Variants in MAP3K10 observed in about 807,000 individuals in gnomAD.
MAP3K10 encodes the protein MKN28 derived nonreceptor_type serine/threonine kinase.
A neutral mutation model predicts 75.0 loss-of-function variants in MAP3K10; 22 were observed. The observed-to-expected ratio is 0.29, with a 90% CI of 0.21 to 0.42. The LOEUF is 0.42. Ranked by LOEUF, MAP3K10 falls within the 10% of genes least tolerant of loss-of-function variation. The probability of loss-of-function intolerance (pLI) is 1.00; values close to 1 mark genes in which losing one functional copy is unlikely to be tolerated. For missense variants in MAP3K10, 1,165 were observed against 1,379.8 expected (o/e 0.84, Z 2.47); for synonymous variants, 599 against 612.9 (o/e 0.98, Z 0.34).
chr19:40,204,989 C>T lies in MAP3K10; in HGVS notation c.1013-132C>T, dbSNP rs1239375041. The T allele has an allele frequency of 4.8e-6, 4 of 836,390 alleles. No individual in the cohort carries two copies. Among genetic ancestry groups the T allele is most frequent in the Non-Finnish European group, 7.9e-6 (4 of 507,844 alleles). The allele number at this position is 836,390 out of a possible 1,614,324, so 51.8% of individuals were successfully genotyped here. A position where few individuals can be genotyped will look rare whatever the true frequency, so the allele number is the denominator to read the frequency against. ...CCAGGAGCTTGGCTTTGAATCCCTT[C>T]CCCTCAGCTCCATAGCAGCTGTTTG... On this transcript the variant is annotated intron_variant, in intron 3 of 9. Transcript: ENST00000253055. The surrounding 1 kb of genome is among the most constrained non-coding windows in gnomAD (Gnocchi z 4.3).
At chr19:40,209,385 G>A (rs1973192885) in intron 6 of MAP3K10, among the ~76,000 whole-genome samples, 166 bp downstream of exon 6, 1 of 151,936 alleles carries the variant, frequency 6.6e-6, no homozygotes, top group South Asian at 2.1e-4. Context: ...AAATAAGTCA[G>A]TAAGCAGGAT....
rs372127071 is a variant in MAP3K10 at position 40,203,480 on chromosome 19, A to G, written c.864-1005A>G. On this transcript the variant is annotated intron_variant, in intron 2 of 9. Coordinates refer to ENST00000253055, the MANE Select transcript of MAP3K10 (RefSeq NM_002446.4). ...AGAGGAAGATAGCCTTGCAGGGACC[A>G]CAGCACAGTGACGCACGCTCTGGTA... Among the ~76,000 whole-genome samples, 7 of 152,244 alleles carry G rather than the reference A, an allele frequency of 4.6e-5. No individual in the cohort carries two copies. In the East Asian group the frequency reaches 9.6e-4, roughly 21 times the overall value.
intron 2 of MAP3K10, among the ~76,000 whole-genome samples, chr19:40,199,508 GGAA>G (rs1256352356): frequency 1.3e-5 from 2 of 152,154 alleles, no homozygotes; most frequent in African/African-American, 4.8e-5. Context: ...AAAGTTTGGA[GGAA>G]GAAGGAGGTG....
chr19:40,210,712 A>G (rs1340982170), intron 6 of MAP3K10, among the ~76,000 whole-genome samples: 1 of 152,132 alleles, frequency 6.6e-6, no homozygotes, highest in Non-Finnish European at 1.5e-5. Context: ...AAAAAAAAAA[A>G]AATTGTCCAA....
At position 40,192,087 on chromosome 19, in the gene MAP3K10, C is replaced by G; in HGVS notation, c.56C>G (p.Pro19Arg). The G allele has an allele frequency of 3.3e-6, 5 of 1,519,532 alleles. No individual in the cohort carries two copies. Among genetic ancestry groups the G allele is most frequent in the Non-Finnish European group, 4.4e-6 (5 of 1,137,544 alleles). The allele number at this position is 1,519,532 out of a possible 1,614,324, so 94.1% of individuals were successfully genotyped here. A position where few individuals can be genotyped will look rare whatever the true frequency, so the allele number is the denominator to read the frequency against. The change falls in exon 1 of 10, where the codon CCC (proline) becomes CGC (arginine). Residue 19 changes from proline to arginine, a missense_variant. Coordinates refer to ENST00000253055, the MANE Select transcript of MAP3K10 (RefSeq NM_002446.4). This position sits in a 1 kb window ranked among gnomAD's most constrained non-coding sequence, Gnocchi z 7.1. ...AKEWGTTPAG[P>R]VWTAVFDYEA... The stretch of plus-strand genomic sequence containing the variant: ...GAGTGGGGCACGACCCCCGCGGGGC[C>G]CGTCTGGACCGCGGTGTTCGACTAC...
chr19:40,213,812 T>TC lies in MAP3K10; in HGVS notation c.2137dup (p.Arg713ProfsTer53). On this transcript the variant is annotated frameshift_variant, in exon 9 of 10. Coordinates refer to ENST00000253055, the MANE Select transcript of MAP3K10 (RefSeq NM_002446.4). LOFTEE classifies it high-confidence loss of function. This position sits in a 1 kb window ranked among gnomAD's most constrained non-coding sequence, Gnocchi z 5.7. Reference sequence around the variant, plus strand: ...GGCGCTGGCTCGACGGCCTCTTCTTTCCCCGCGCCGGCCGCTTCCCGCGGG... The same window carrying TC: ...GGCGCTGGCTCGACGGCCTCTTCTTTCCCCCGCGCCGGCCGCTTCCCGCGGG... 1 of 1,292,402 alleles carries TC rather than the reference T, an allele frequency of 7.7e-7. No individual in the cohort carries two copies. The highest frequency in any genetic ancestry group is 9.8e-7 in the Non-Finnish European group (1 of 1,016,872). 80.1% of individuals were successfully genotyped at this position (1,292,402 alleles called of 1,614,324 possible). A position where few individuals can be genotyped will look rare whatever the true frequency, so the allele number is the denominator to read the frequency against.
At chr19:40,202,649 T>TA (rs1599905728) in intron 2 of MAP3K10, among the ~76,000 whole-genome samples, 1 of 152,174 alleles carries the variant, frequency 6.6e-6, no homozygotes, top group African/African-American at 2.4e-5. Flanking sequence ...ATTTTTCATT[T>TA]AAAAAAATTT....
chr19:40,197,651 A>G (rs1972932459), intron 1 of MAP3K10, among the ~76,000 whole-genome samples: 1 of 152,062 alleles, frequency 6.6e-6, no homozygotes, highest in South Asian at 2.1e-4. Flanking sequence ...AGCAGAAAGA[A>G]TGGCAAAGTC....
At chr19:40,200,643 G>C (rs1001498719) in intron 2 of MAP3K10, among the ~76,000 whole-genome samples, 2 of 114,490 alleles carry the variant, frequency 1.7e-5, no homozygotes, top group Non-Finnish European at 3.4e-5. Context: ...TTTTGGGACA[G>C]AGTCTCACTC....
At chr19:40,208,680 A>G (rs1973180528) in intron 5 of MAP3K10, among the ~76,000 whole-genome samples, 1 of 150,468 alleles carries the variant, frequency 6.6e-6, no homozygotes, top group Admixed American at 6.6e-5. Context: ...CTTTATATAT[A>G]TATATATATA....
At chr19:40,195,850 T>G (rs538768230) in intron 1 of MAP3K10, among the ~76,000 whole-genome samples, 5 of 152,276 alleles carry the variant, frequency 3.3e-5, no homozygotes, top group African/African-American at 1.2e-4. Context: ...CCTGGGTGAT[T>G]TGCCAATCTC....
chr19:40,214,329 T>G lies in MAP3K10; in HGVS notation c.2542+108T>G, dbSNP rs760154061. 1,079 of 1,232,630 alleles carry G rather than the reference T, an allele frequency of 8.8e-4. 2 individuals are homozygous for G. The highest frequency in any genetic ancestry group is 2.4e-3 in the Middle Eastern group (8 of 3,358). The allele number at this position is 1,232,630 out of a possible 1,614,324, so 76.4% of individuals were successfully genotyped here. A position where few individuals can be genotyped will look rare whatever the true frequency, so the allele number is the denominator to read the frequency against. ...ACCCCTCAGGCAGCCACCTCCTGCT[T>G]CTTGTGGAGGAGGGAGGGTCTGTGT... On this transcript the variant is annotated intron_variant, in intron 9 of 9. Coordinates refer to ENST00000253055, the MANE Select transcript of MAP3K10 (RefSeq NM_002446.4).
intron 5 of MAP3K10, among the ~76,000 whole-genome samples, chr19:40,207,262 A>G (rs1043389315): frequency 6.6e-6 from 1 of 151,902 alleles, no homozygotes; most frequent in Non-Finnish European, 1.5e-5. Flanking sequence ...TTCCCAGGTA[A>G]TGCATTCAGG....
rs771449066 is a variant in MAP3K10 at position 40,205,960 on chromosome 19, G to A, written c.1238G>A (p.Arg413His). The A allele has an allele frequency of 4.4e-6, 7 of 1,606,576 alleles. No individual in the cohort carries two copies. Among genetic ancestry groups the A allele is most frequent in the South Asian group, 3.3e-5 (3 of 89,918 alleles). ...CTGCTGCGGGCGGCACAGGAGCAGCGCTTCCAGGAGGAGCAGCTGCGGCGG... is the reference window on the plus strand; with the variant it reads ...CTGCTGCGGGCGGCACAGGAGCAGCACTTCCAGGAGGAGCAGCTGCGGCGG... ...EELLRAAQEQRFQEEQLRRRE... is the reference protein window; with the variant it reads ...EELLRAAQEQHFQEEQLRRRE... The change falls in exon 5 of 10, where the codon CGC (arginine) becomes CAC (histidine). Residue 413 changes from arginine to histidine, a missense_variant. Around this residue, in one of 2 missense-constraint regions of MAP3K10, gnomAD observed 575 missense variants for 793.2 expected, o/e 0.72. Transcript: ENST00000253055. The surrounding 1 kb of genome is among the most constrained non-coding windows in gnomAD (Gnocchi z 4.3).
At position 40,192,175 on chromosome 19, in the gene MAP3K10, A is replaced by G. The variant is rs893596354; in HGVS notation, c.144A>G (p.Gln48=). ...RRGDRVQVLS[Q]DCAVSGDEGW... ...GCGATCGCGTCCAGGTGCTTTCCCA[A>G]GACTGTGCGGTGTCCGGCGACGAGG... The change falls in exon 1 of 10, where the codon CAA becomes CAG. Residue 48 remains glutamine (Q), a synonymous_variant. Transcript: ENST00000253055. The surrounding 1 kb of genome is among the most constrained non-coding windows in gnomAD (Gnocchi z 7.1). The G allele has an allele frequency of 3.1e-6, 5 of 1,608,078 alleles. No individual in the cohort carries two copies. The highest frequency in any genetic ancestry group is 4.2e-6 in the Non-Finnish European group (5 of 1,178,280).
chr19:40,195,785 G>A (rs766906971), intron 1 of MAP3K10, among the ~76,000 whole-genome samples: 6 of 152,036 alleles, frequency 3.9e-5, no homozygotes, highest in East Asian at 1.9e-4. Flanking sequence ...ATGAGCCACC[G>A]CGTCCAATCT....
At position 40,205,137 on chromosome 19, in the gene MAP3K10, C is replaced by T; in HGVS notation, c.1029C>T (p.Asp343=). The change falls in exon 4 of 10, where the codon GAC becomes GAT. Residue 343 remains aspartate (D), a synonymous_variant. Coordinates refer to ENST00000253055, the MANE Select transcript of MAP3K10 (RefSeq NM_002446.4). The surrounding 1 kb of genome is among the most constrained non-coding windows in gnomAD (Gnocchi z 4.3). ...ARLLEECWDP[D]PHGRPDFGSI... Reference sequence around the variant, plus strand: ...CCACCCCAGAATGCTGGGACCCAGACCCCCACGGGCGGCCAGATTTCGGTA... The same window carrying T: ...CCACCCCAGAATGCTGGGACCCAGATCCCCACGGGCGGCCAGATTTCGGTA... 1.9e-6 allele frequency: 3 copies of T among 1,613,194 alleles called. No homozygotes were observed. Among genetic ancestry groups the T allele is most frequent in the Non-Finnish European group, 1.7e-6 (2 of 1,180,022 alleles).
chr19:40,212,842 C>A lies in MAP3K10; in HGVS notation c.1590C>A (p.Ser530Arg). 6.2e-7 allele frequency: 1 copy of A among 1,603,520 alleles called. No individual in the cohort carries two copies. The highest frequency in any genetic ancestry group is 1.7e-5 in the Admixed American group (1 of 58,292). Residue 530 changes from serine to arginine, a missense_variant, in exon 7 of 10, where the codon AGC becomes AGA. Ser to Arg is a moderately radical substitution (Grantham distance 110). Around this residue, in one of 2 missense-constraint regions of MAP3K10, gnomAD observed 575 missense variants for 793.2 expected, o/e 0.72. Transcript: ENST00000253055. This position sits in a 1 kb window ranked among gnomAD's most constrained non-coding sequence, Gnocchi z 4.2. The part of the protein sequence containing the change: ...PVDCGGSSSG[S>R]SSGGSGTWSR... ...ACTGTGGTGGCAGCAGCAGTGGCAG[C>A]AGCAGTGGAGGAAGTGGGACATGGA...
chr19:40,200,168 G>A (rs1233317607), intron 2 of MAP3K10, among the ~76,000 whole-genome samples: 1 of 152,180 alleles, frequency 6.6e-6, no homozygotes, highest in Non-Finnish European at 1.5e-5. Context: ...GCATGGTGGT[G>A]GGTGCCTGTA....
Sources: allele counts gnomAD v4.1 joint callset (sites outside exome capture counted in the v4.1 genomes callset), GRCh38; gene constraint gnomAD v4.1.1; regional missense constraint gnomAD v4.1.1; non-coding constraint Gnocchi (gnomAD v3.1); transcripts MANE v1.5; gene names NCBI Gene and HGNC (gene_info 2026-07-23, HGNC 2026-07-21).